LIMD2: variants seen among roughly 807,000 people sequenced by gnomAD.
LIMD2 encodes the protein LIM domain-containing protein 2.
Under a neutral mutation model 16.0 loss-of-function variants are expected in LIMD2, and 11 were observed. That is an observed-to-expected ratio of 0.69 (90% CI 0.43 to 1.14). The LOEUF is 1.14. Ranked by LOEUF, LIMD2 falls within the 50% of genes most tolerant of loss-of-function variation. The pLI, the probability that LIMD2 is intolerant of heterozygous loss-of-function variation, is 0.00. For synonymous variants in LIMD2, 60 were observed against 67.1 expected, an observed-to-expected ratio of 0.89 and a Z score of 0.52; for missense variants, 168 against 165.8, an observed-to-expected ratio of 1.01 and a Z score of -0.07.
upstream of LIMD2, chr17:63,700,416 A>G (rs2035768259): frequency 6.6e-6 from 1 of 151,676 alleles, no homozygotes; most frequent in Admixed American, 6.6e-5. The surrounding 1 kb of genome is among the most constrained non-coding windows in gnomAD (Gnocchi z 7.1). Flanking sequence ...GTGGGGAAGC[A>G]ACGGTGGCAG....
Position 63,696,923 on chromosome 17 carries a change from CTG to C in LIMD2, c.*1627_*1628del, listed in dbSNP as rs1418610563. On this transcript the variant is annotated 3_prime_UTR_variant, in exon 5 of 5. Coordinates refer to ENST00000259006, the MANE Select transcript of LIMD2 (RefSeq NM_030576.4). ...CCTCAGCATAGTGACTTATGTGACA[CTG>C]GAGCCTGTGGCCCAGCTCCCTGCCC... 1 of 152,278 alleles carries C rather than the reference CTG, an allele frequency of 6.6e-6. No individual in the cohort carries two copies. The highest frequency in any genetic ancestry group is 2.4e-5 in the African/African-American group (1 of 41,458). The allele number at this position is 152,278 out of a possible 1,614,324, so 9.4% of individuals were successfully genotyped here. A position where few individuals can be genotyped will look rare whatever the true frequency, so the allele number is the denominator to read the frequency against.
rs2035701481 is a variant in LIMD2 at position 63,696,849 on chromosome 17, C to T, written c.*1703G>A. ...ACACTTGGGAGGATCCAGGCCGGGGCACCATCTCTGCTGAGTATTCGCTCT... is the reference window on the plus strand; with the variant it reads ...ACACTTGGGAGGATCCAGGCCGGGGTACCATCTCTGCTGAGTATTCGCTCT... On this transcript the variant is annotated 3_prime_UTR_variant, in exon 5 of 5. Transcript: ENST00000259006. 6.6e-6 allele frequency: 1 copy of T among 152,254 alleles called. No homozygotes were observed. The highest frequency in any genetic ancestry group is 1.5e-5 in the Non-Finnish European group (1 of 68,110). The allele number at this position is 152,254 out of a possible 1,614,324, so 9.4% of individuals were successfully genotyped here. A position where few individuals can be genotyped will look rare whatever the true frequency, so the allele number is the denominator to read the frequency against.
chr17:63,699,969 A>C (rs2143679719), intron 1 of LIMD2, 63 bp downstream of exon 1: 1 of 981,744 alleles, frequency 1.0e-6, no homozygotes, highest in Middle Eastern at 5.2e-4. Context: ...CCCTCACCCC[A>C]CACCCCTCGG....
chr17:63,699,722 C>T, intron 1 of LIMD2: 3 of 614,232 alleles, frequency 4.9e-6, no homozygotes, highest in Non-Finnish European at 4.1e-6. Flanking sequence ...CCCTGCGCCG[C>T]GCCCGGGCGT....
chr17:63,696,501 T>A lies in LIMD2; in HGVS notation c.*2051A>T, dbSNP rs2035695547. ...AGAGGTGTCTGCCCCTTTCCTCCAG[T>A]TGCCCCTCCAGGAGCTCCACTGGGG... On this transcript the variant is annotated 3_prime_UTR_variant, in exon 5 of 5. Transcript: ENST00000259006. 6.6e-6 allele frequency: 1 copy of A among 152,474 alleles called. No individual in the cohort carries two copies. Among genetic ancestry groups the A allele is most frequent in the Admixed American group, 6.5e-5 (1 of 15,276 alleles). 9.4% of individuals were successfully genotyped at this position (152,474 alleles called of 1,614,324 possible). A position where few individuals can be genotyped will look rare whatever the true frequency, so the allele number is the denominator to read the frequency against.
chr17:63,699,689 C>G (rs1245411229), intron 1 of LIMD2: 12 of 360,708 alleles, frequency 3.3e-5, no homozygotes, highest in East Asian at 1.6e-4. Context: ...GCCGCTGCCC[C>G]GACCTGACCC....
rs1380699839 is a variant in LIMD2 at position 63,696,736 on chromosome 17, GC to G, written c.*1815del. On this transcript the variant is annotated 3_prime_UTR_variant, in exon 5 of 5. Coordinates refer to ENST00000259006, the MANE Select transcript of LIMD2 (RefSeq NM_030576.4). ...CCCCTTGTGGTCATCTGCTACTGTT[GC>G]TTAACCGAACCAAGATGATCCTTGC... 2 of 152,248 alleles carry G rather than the reference GC, an allele frequency of 1.3e-5. No individual in the cohort carries two copies. Among genetic ancestry groups the G allele is most frequent in the Non-Finnish European group, 2.9e-5 (2 of 68,082 alleles). The allele number at this position is 152,248 out of a possible 1,614,324, so 9.4% of individuals were successfully genotyped here. A position where few individuals can be genotyped will look rare whatever the true frequency, so the allele number is the denominator to read the frequency against.
upstream of LIMD2, chr17:63,700,129 G>C (rs902800211): frequency 1.0e-6 from 1 of 984,278 alleles, no homozygotes; most frequent in African/African-American, 1.8e-5. The surrounding 1 kb of genome is among the most constrained non-coding windows in gnomAD (Gnocchi z 7.1). Context: ...AGTGGTCCCC[G>C]AGCCACCGCC....
At position 63,697,512 on chromosome 17, in the gene LIMD2, C is replaced by G. The variant is rs960306281; in HGVS notation, c.*1040G>C. On this transcript the variant is annotated 3_prime_UTR_variant, in exon 5 of 5. Coordinates refer to ENST00000259006, the MANE Select transcript of LIMD2 (RefSeq NM_030576.4). ...CCACTGGCAGCCTGGCCCTCCCGCT[C>G]TCAGGCCTCTTCACAATGGGGTGCA... The G allele has an allele frequency of 1.3e-5, 2 of 152,174 alleles. No individual in the cohort carries two copies. The highest frequency in any genetic ancestry group is 4.8e-5 in the African/African-American group (2 of 41,418). The allele number at this position is 152,174 out of a possible 1,614,324, so 9.4% of individuals were successfully genotyped here. A position where few individuals can be genotyped will look rare whatever the true frequency, so the allele number is the denominator to read the frequency against.
rs1175738930 is a variant in LIMD2, at chr17:63,697,674, G to A, written c.*878C>T. The stretch of plus-strand genomic sequence containing the variant: ...CCTCCCATTTCTCAATGGTGTGTCA[G>A]GGAACTGACACCCACTTCTAGCTCC... On this transcript the variant is annotated 3_prime_UTR_variant, in exon 5 of 5. Transcript: ENST00000259006. 1 of 152,238 alleles carries A rather than the reference G, an allele frequency of 6.6e-6. No individual in the cohort carries two copies. The highest frequency in any genetic ancestry group is 1.5e-5 in the Non-Finnish European group (1 of 68,072). 9.4% of individuals were successfully genotyped at this position (152,238 alleles called of 1,614,324 possible). A position where few individuals can be genotyped will look rare whatever the true frequency, so the allele number is the denominator to read the frequency against.
rs981162586 is a variant in LIMD2 at position 63,696,663 on chromosome 17, C to T, written c.*1889G>A. ...CCCAGAGGACTTCCTTCAGTCCCAT[C>T]TTTGCAGGGCAGGGGTCAGGTGTCT... On this transcript the variant is annotated 3_prime_UTR_variant, in exon 5 of 5. Transcript: ENST00000259006. The T allele has an allele frequency of 6.6e-6, 1 of 152,292 alleles. No homozygotes were observed. The highest frequency in any genetic ancestry group is 6.5e-5 in the Admixed American group (1 of 15,288). The allele number at this position is 152,292 out of a possible 1,614,324, so 9.4% of individuals were successfully genotyped here.
rs531186339 is a variant in LIMD2, at chr17:63,696,971, T to C, written c.*1581A>G. The C allele has an allele frequency of 6.6e-6, 1 of 152,296 alleles. No individual in the cohort carries two copies. The highest frequency in any genetic ancestry group is 6.5e-5 in the Admixed American group (1 of 15,296). 9.4% of individuals were successfully genotyped at this position (152,296 alleles called of 1,614,324 possible). Reference sequence around the variant, plus strand: ...TGCCCTGTTCCACGGGGAGGCCACTTAGGAACTCAGGCAGTTGTATGGTGT... The same window carrying C: ...TGCCCTGTTCCACGGGGAGGCCACTCAGGAACTCAGGCAGTTGTATGGTGT... On this transcript the variant is annotated 3_prime_UTR_variant, in exon 5 of 5. Transcript: ENST00000259006.
Position 63,698,484 on chromosome 17 carries a change from A to T in LIMD2, c.*68T>A, listed in dbSNP as rs1431359337. ...CTGGCCCCCACGCAAGCCCAGCTCG[A>T]CCTCCTTCCCACCTTCCCCCTGCCG... On this transcript the variant is annotated 3_prime_UTR_variant, in exon 5 of 5. Transcript: ENST00000259006. 1.9e-6 allele frequency: 3 copies of T among 1,554,890 alleles called. No individual in the cohort carries two copies. The highest frequency in any genetic ancestry group is 8.7e-7 in the Non-Finnish European group (1 of 1,149,092).
chr17:63,699,186 C>G (rs2035744316), intron 2 of LIMD2, 71 bp downstream of exon 2: 2 of 1,595,554 alleles, frequency 1.3e-6, no homozygotes, highest in African/African-American at 1.3e-5. Flanking sequence ...CCGGCAAACT[C>G]TGATGCCTCT....
chr17:63,697,268 T>C lies in LIMD2; in HGVS notation c.*1284A>G, dbSNP rs1294515074. ...AGAGCTTGAAAAGGCAAGGGGATGA[T>C]GACAGCAGCGAGGGGTAATGATGAG... On this transcript the variant is annotated 3_prime_UTR_variant, in exon 5 of 5. Transcript: ENST00000259006. 2 of 152,226 alleles carry C rather than the reference T, an allele frequency of 1.3e-5. No homozygotes were observed. Among genetic ancestry groups the C allele is most frequent in the African/African-American group, 2.4e-5 (1 of 41,422 alleles). 9.4% of individuals were successfully genotyped at this position (152,226 alleles called of 1,614,324 possible).
rs147403089 is a variant in LIMD2, at chr17:63,696,888, G to A, written c.*1664C>T. The stretch of plus-strand genomic sequence containing the variant: ...AGTATTCGCTCTGCTCCCTCGAGGA[G>A]CAGTGCCTGCCTCAGCATAGTGACT... On this transcript the variant is annotated 3_prime_UTR_variant, in exon 5 of 5. Transcript: ENST00000259006. 2.6e-5 allele frequency: 4 copies of A among 152,408 alleles called. No homozygotes were observed. The highest frequency in any genetic ancestry group is 9.6e-5 in the African/African-American group (4 of 41,570). 9.4% of individuals were successfully genotyped at this position (152,408 alleles called of 1,614,324 possible). A position where few individuals can be genotyped will look rare whatever the true frequency, so the allele number is the denominator to read the frequency against.
chr17:63,699,051 T>C lies in LIMD2; in HGVS notation c.61A>G (p.Ser21Gly), dbSNP rs367901623. The C allele has an allele frequency of 6.7e-5, 107 of 1,606,678 alleles. No individual in the cohort carries two copies. Among genetic ancestry groups the C allele is most frequent in the Non-Finnish European group, 8.7e-5 (102 of 1,177,562 alleles). Residue 21 changes from serine (S) to glycine (G), a missense_variant, in exon 3 of 5, where the codon AGC becomes GGC. Ser to Gly is a moderately conservative substitution (Grantham distance 56). Transcript: ENST00000259006. The stretch of plus-strand genomic sequence containing the variant: ...ACCTTGGAGCGCTGCACCGTGCTGC[T>C]GCCGCCGCCTTTGGCGTCCTGAGGG... Reference protein sequence around the residue: ...TPSHDAKGGGSSTVQRSKSFS... With the variant: ...TPSHDAKGGGGSTVQRSKSFS...
chr17:63,698,528 AG>A lies in LIMD2; in HGVS notation c.*23del. The A allele has an allele frequency of 6.2e-7, 1 of 1,609,832 alleles. No homozygotes were observed. On this transcript the variant is annotated 3_prime_UTR_variant, in exon 5 of 5. Transcript: ENST00000259006. ...CCTGCCGGCTCCAGGCCTTCCGCAGAGGGGGTGGAAGGTTACAGAGGCCTCA... is the reference window on the plus strand; with the variant it reads ...CCTGCCGGCTCCAGGCCTTCCGCAGAGGGGTGGAAGGTTACAGAGGCCTCA...
rs544391579 is a variant in LIMD2 at position 63,696,338 on chromosome 17, T to G, written c.*2214A>C. The G allele has an allele frequency of 3.2e-4, 48 of 152,298 alleles. No homozygotes were observed. The highest frequency in any genetic ancestry group is 1.0e-3 in the African/African-American group (43 of 41,372). 9.4% of individuals were successfully genotyped at this position (152,298 alleles called of 1,614,324 possible). ...GGTCCTGTGGCAGTGCTTTCAGTTG[T>G]GGGGGGTGGAGGTAGGTTTTTGCTT... On this transcript the variant is annotated 3_prime_UTR_variant, in exon 5 of 5. Coordinates refer to ENST00000259006, the MANE Select transcript of LIMD2 (RefSeq NM_030576.4).
Sources: allele counts gnomAD v4.1 joint callset, GRCh38; gene constraint gnomAD v4.1.1; non-coding constraint Gnocchi (gnomAD v3.1); transcripts MANE v1.5; gene names NCBI Gene and HGNC (gene_info 2026-07-23, HGNC 2026-07-21).